FRMD5: variants seen among roughly 807,000 people sequenced by gnomAD.
FRMD5 encodes the protein FERM domain-containing protein 5.
FRMD5 carries 20 observed loss-of-function variants against 69.0 expected under a neutral mutation model. That is an observed-to-expected ratio of 0.29 (90% CI 0.20 to 0.42). FRMD5 has a LOEUF of 0.42. Ranked by LOEUF, FRMD5 falls within the 10% of genes least tolerant of loss-of-function variation. FRMD5 has a pLI of 1.00. For missense variants in FRMD5, 595 were observed against 708.6 expected (o/e 0.84, Z 1.82); for synonymous variants, 271 against 260.1 (o/e 1.04, Z -0.40).
intron 1 of FRMD5, among the ~76,000 whole-genome samples, chr15:43,983,782 C>T (rs1353460870): frequency 2.6e-5 from 4 of 152,224 alleles, no homozygotes; most frequent in African/African-American, 9.7e-5. Context: ...CTCCCCCCAT[C>T]CACCGTCTCC....
intron 1 of FRMD5, among the ~76,000 whole-genome samples, chr15:44,077,951 A>AATTTTTACAGCTTGTAAAATATACAT (rs1893837976): frequency 6.6e-6 from 1 of 152,118 alleles, no homozygotes; most frequent in Non-Finnish European, 1.5e-5. Flanking sequence ...CAGCTTGTTA[A>AATTTTTACAGCTTGTAAAATATACAT]AGTGGTTAAA....
At chr15:44,020,849 A>C (rs1891180212) in intron 1 of FRMD5, among the ~76,000 whole-genome samples, 1 of 152,240 alleles carries the variant, frequency 6.6e-6, no homozygotes, top group African/African-American at 2.4e-5. Flanking sequence ...CAAGCTATCA[A>C]CATGAAATCA....
rs1168294600 is a variant in FRMD5, at chr15:43,881,688, C to A, written c.1135+2015G>T. ...TCCGCACATATTAGCTTCCTTGCAA[C>A]CAATGGGGTGGGCAAGGAAGATGTC... On this transcript the variant is annotated intron_variant, in intron 13 of 13. Coordinates refer to ENST00000417257, the MANE Select transcript of FRMD5 (RefSeq NM_032892.5). 3.9e-5 allele frequency among the ~76,000 whole-genome samples: 6 copies of A among 152,160 alleles called. No individual in the cohort carries two copies. The East Asian group carries it at 1.2e-3, about 29-fold the overall frequency.
In FRMD5 at chr15:43,871,038, T is replaced by C. The variant is rs2088148016; in HGVS notation, c.*2847A>G. On this transcript the variant is annotated 3_prime_UTR_variant, in exon 14 of 14. Coordinates refer to ENST00000417257, the MANE Select transcript of FRMD5 (RefSeq NM_032892.5). ...CTGATAGATGAAGCTATGAAAACCA[T>C]TGCTTTTTCTACAATGAGATAAACT... is the stretch of plus-strand genomic sequence containing the variant. The C allele has an allele frequency of 6.6e-6, 1 of 152,164 alleles. No individual in the cohort carries two copies. Among genetic ancestry groups the C allele is most frequent in the African/African-American group, 2.4e-5 (1 of 41,452 alleles). The allele number at this position is 152,164 out of a possible 1,614,324, so 9.4% of individuals were successfully genotyped here.
At chr15:43,937,975 T>A (rs2089790374) in intron 1 of FRMD5, among the ~76,000 whole-genome samples, 3 of 152,028 alleles carry the variant, frequency 2.0e-5, no homozygotes, top group Admixed American at 2.0e-4. Context: ...CTTAAGAGCC[T>A]ACCATGTGCA....
intron 1 of FRMD5, among the ~76,000 whole-genome samples, chr15:44,041,153 C>A (rs1444280356): frequency 6.6e-6 from 1 of 151,910 alleles, no homozygotes; most frequent in Non-Finnish European, 1.5e-5. Context: ...AGATAGCTAT[C>A]CTAAATATAC....
At chr15:43,890,871 G>C (rs888363552) in intron 8 of FRMD5, among the ~76,000 whole-genome samples, 1 of 152,160 alleles carries the variant, frequency 6.6e-6, no homozygotes, top group Non-Finnish European at 1.5e-5. Context: ...TGGAAAGGCG[G>C]TATCTGTCCT....
chr15:43,939,658 A>G (rs2089828451), intron 1 of FRMD5, among the ~76,000 whole-genome samples: 1 of 152,100 alleles, frequency 6.6e-6, no homozygotes, highest in South Asian at 2.1e-4. Context: ...CCTGAGCTCA[A>G]TTGATCCTCC....
intron 4 of FRMD5, among the ~76,000 whole-genome samples, chr15:43,918,397 C>T (rs2089433671): frequency 6.6e-6 from 1 of 152,228 alleles, no homozygotes; most frequent in Admixed American, 6.5e-5. Flanking sequence ...GCACTCCAGC[C>T]TGGGCAACAA....
At chr15:43,900,890 A>T (rs582198) in intron 7 of FRMD5, among the ~76,000 whole-genome samples, 35,041 of 152,032 alleles carry the variant, frequency 0.23, 9,641 homozygotes, top group African/African-American at 0.66. Context: ...GTGCTGGGAT[A>T]ACAGGTGTGA....
chr15:43,911,120 G>A (rs2089280458), intron 4 of FRMD5, among the ~76,000 whole-genome samples: 2 of 152,362 alleles, frequency 1.3e-5, no homozygotes, highest in South Asian at 4.1e-4. Context: ...ATTATGAGGA[G>A]CATCAGTCCC....
intron 1 of FRMD5, among the ~76,000 whole-genome samples, chr15:44,062,912 C>G (rs944030901): frequency 6.6e-6 from 1 of 152,026 alleles, no homozygotes; most frequent in African/African-American, 2.4e-5. Context: ...TAAAAAAAAT[C>G]AATTGACTGT....
intron 1 of FRMD5, among the ~76,000 whole-genome samples, chr15:44,143,839 G>A (rs937366035): frequency 1.4e-5 from 2 of 147,146 alleles, no homozygotes; most frequent in Non-Finnish European, 3.0e-5. Context: ...GCAGGAAATC[G>A]CTTGAACCCA....
At chr15:43,884,217 T>C (rs1407370880) in intron 12 of FRMD5, among the ~76,000 whole-genome samples, 3 of 152,144 alleles carry the variant, frequency 2.0e-5, no homozygotes, top group Non-Finnish European at 4.4e-5. Context: ...GCAGTAATGC[T>C]CCCCTTCCCA....
chr15:43,984,141 T>TG (rs1889269323), intron 1 of FRMD5, among the ~76,000 whole-genome samples: 1 of 152,218 alleles, frequency 6.6e-6, no homozygotes, highest in African/African-American at 2.4e-5. Context: ...TTCATGAACT[T>TG]ACACAACATA....
chr15:44,030,602 T>G (rs1447034967), intron 1 of FRMD5, among the ~76,000 whole-genome samples: 1 of 152,182 alleles, frequency 6.6e-6, no homozygotes, highest in Non-Finnish European at 1.5e-5. Context: ...AAAGCAAGTA[T>G]GTTTCCCTTT....
At chr15:44,188,098 TC>T (rs2078133126) in intron 1 of FRMD5, among the ~76,000 whole-genome samples, 2 of 152,080 alleles carry the variant, frequency 1.3e-5, no homozygotes, top group South Asian at 2.1e-4. Flanking sequence ...ACTTTTCCTT[TC>T]CCCTAGTGCG....
rs1316374375 is a variant in FRMD5 at position 44,178,306 on chromosome 15, C to G, written c.102+16647G>C. ...CACCACTGCACTCCAGCCTGGGTTA[C>G]AGGGTGATACTCCATCTCAAAAATA... is the stretch of plus-strand genomic sequence containing the variant. On this transcript the variant is annotated intron_variant, in intron 1 of 13. Transcript: ENST00000417257. Among the ~76,000 whole-genome samples, 6 of 152,120 alleles carry G rather than the reference C, an allele frequency of 3.9e-5. No individual in the cohort carries two copies. In the East Asian group the frequency reaches 1.2e-3, roughly 29 times the overall value.
At chr15:43,938,393 A>G (rs1183881170) in intron 1 of FRMD5, among the ~76,000 whole-genome samples, 1 of 152,218 alleles carries the variant, frequency 6.6e-6, no homozygotes, top group Non-Finnish European at 1.5e-5. Context: ...CAACACAACT[A>G]GTATATGGGA....
Sources: allele counts gnomAD v4.1 joint callset (sites outside exome capture counted in the v4.1 genomes callset), GRCh38; gene constraint gnomAD v4.1.1; transcripts MANE v1.5; gene names NCBI Gene and HGNC (gene_info 2026-07-23, HGNC 2026-07-21).